The following DMD variants were observed in gnomAD, a reference collection of about 807,000 sequenced individuals.
DMD encodes dystrophin.
Under a neutral mutation model 330.1 loss-of-function variants are expected in DMD, and 63 were observed. The ratio of observed to expected loss-of-function variants is 0.19; its 90% CI spans 0.16 to 0.24. The LOEUF (loss-of-function observed/expected upper bound fraction) is 0.24. DMD is among the 10% of genes least tolerant of loss of function. The pLI is 1.00. For synonymous variants in DMD, 1,223 were observed against 959.8 expected, an observed-to-expected ratio of 1.27 and a Z score of -5.07; for missense variants, 3,344 against 2,684.1, an observed-to-expected ratio of 1.25 and a Z score of -5.43.
At chrX:31,569,125 T>G (rs1017401587) in intron 55 of DMD, among the ~76,000 whole-genome samples, 1 of 110,983 alleles carries the variant, frequency 9.0e-6, no homozygotes, top group East Asian at 2.8e-4. Context: ...TTCAAACTTA[T>G]GGTAAATAGG....
chrX:31,133,102 AAGAT>A (rs2034729110), intron 77 of DMD, among the ~76,000 whole-genome samples: 1 of 111,928 alleles, frequency 8.9e-6, no homozygotes, highest in Non-Finnish European at 1.9e-5. Context: ...ACTGAACAAA[AAGAT>A]AGGAAAAACA....
intron 1 of DMD, among the ~76,000 whole-genome samples, chrX:33,122,397 G>C (rs1249177114): frequency 1.8e-5 from 2 of 112,241 alleles, no homozygotes. Context: ...ACCTAATGCA[G>C]CTTAGCCTTG....
intron 30 of DMD, among the ~76,000 whole-genome samples, chrX:32,396,000 C>A (rs2098041394): frequency 9.0e-6 from 1 of 110,913 alleles, no homozygotes; most frequent in Non-Finnish European, 1.9e-5. Flanking sequence ...CATTACAAAG[C>A]AAAGCAAAGA....
At chrX:32,331,919 T>C (rs987644037) in intron 41 of DMD, among the ~76,000 whole-genome samples, 1 of 111,612 alleles carries the variant, frequency 9.0e-6, no homozygotes, top group Non-Finnish European at 1.9e-5. Flanking sequence ...ACTAGAGATA[T>C]TCGGAAAACA....
intron 2 of DMD, among the ~76,000 whole-genome samples, chrX:32,895,444 T>C (rs1166734076): frequency 8.9e-6 from 1 of 112,163 alleles, no homozygotes; most frequent in Non-Finnish European, 1.9e-5. Flanking sequence ...GTAGTTGTTC[T>C]AGAAAAATCT....
At chrX:31,489,745 C>T (rs768231587) in intron 57 of DMD, among the ~76,000 whole-genome samples, 1 of 110,824 alleles carries the variant, frequency 9.0e-6, no homozygotes, top group Non-Finnish European at 1.9e-5. Context: ...TTTTGGGGGA[C>T]AAAAGGAAGA....
intron 2 of DMD, among the ~76,000 whole-genome samples, chrX:32,900,557 C>T (rs1444856619): frequency 1.8e-5 from 2 of 111,017 alleles, no homozygotes; most frequent in East Asian, 5.7e-4. Flanking sequence ...GTTGGTTAGG[C>T]TGGACTCAAA....
chrX:31,991,281 T>A (rs1381505229), intron 44 of DMD, among the ~76,000 whole-genome samples: 1 of 110,914 alleles, frequency 9.0e-6, no homozygotes, highest in Non-Finnish European at 1.9e-5. Flanking sequence ...TATAAATGGA[T>A]TGGAATGGAT....
At chrX:33,129,524 CAAAA>C (rs59729782) in intron 1 of DMD, among the ~76,000 whole-genome samples, 2 of 101,516 alleles carry the variant, frequency 2.0e-5, no homozygotes, top group Non-Finnish European at 3.9e-5. Context: ...AGGTTTCAAA[CAAAA>C]AAAAAAACCC....
At chrX:32,899,752 T>C (rs1012045997) in intron 2 of DMD, among the ~76,000 whole-genome samples, 1 of 111,221 alleles carries the variant, frequency 9.0e-6, no homozygotes, top group Non-Finnish European at 1.9e-5. Context: ...CAGAATGTTA[T>C]GGATTCTTAT....
chrX:31,768,481 CT>C (rs1172907489), intron 51 of DMD, among the ~76,000 whole-genome samples: 1 of 109,074 alleles, frequency 9.2e-6, no homozygotes, highest in Non-Finnish European at 1.9e-5. Flanking sequence ...TCTCTTCCTT[CT>C]TTTTTTCCCT....
chrX:32,165,641 T>G (rs192388484), intron 44 of DMD, among the ~76,000 whole-genome samples: 246 of 112,111 alleles, frequency 2.2e-3, no homozygotes, highest in Non-Finnish European at 4.2e-3. Context: ...GGAGTACTGT[T>G]GTCAAGGCAT....
intron 44 of DMD, among the ~76,000 whole-genome samples, chrX:32,014,302 C>T (rs780127537): frequency 1.0e-5 from 1 of 97,530 alleles, no homozygotes; most frequent in South Asian, 4.7e-4. Context: ...GCCTTTTTCC[C>T]TTAATAATAC....
intron 57 of DMD, among the ~76,000 whole-genome samples, chrX:31,494,586 A>G (rs1329450470): frequency 8.9e-6 from 1 of 111,790 alleles, no homozygotes; most frequent in Non-Finnish European, 1.9e-5. Context: ...TCATAACTCT[A>G]GCATCACCAT....
At position 32,068,170 on chromosome X, in the gene DMD, C is replaced by A. The variant is rs750368928; in HGVS notation, c.6439-99656G>T. On this transcript the variant is annotated intron_variant, in intron 44 of 78. Transcript: ENST00000357033. ...TATCTTCTTTTGAGAAATGTCTGTT[C>A]ATGTCTTTTGCCCATTTTTTAAATG... 1.8e-4 allele frequency among the ~76,000 whole-genome samples: 20 copies of A among 111,043 alleles called. No individual in the cohort carries two copies. In the East Asian group the frequency reaches 3.1e-3, roughly 17 times the overall value.
At chrX:31,204,377 C>T (rs2043841634) in intron 66 of DMD, among the ~76,000 whole-genome samples, 1 of 112,653 alleles carries the variant, frequency 8.9e-6, no homozygotes, top group Non-Finnish European at 1.9e-5. Context: ...CACGTACCCT[C>T]GACACTTAAA....
chrX:32,773,620 G>C (rs1187365758), intron 7 of DMD, among the ~76,000 whole-genome samples: 1 of 107,245 alleles, frequency 9.3e-6, no homozygotes, highest in South Asian at 4.2e-4. Flanking sequence ...CTATCTCCAT[G>C]AGTTCAATTT....
At chrX:33,018,684 T>C (rs73621863) in intron 2 of DMD, among the ~76,000 whole-genome samples, 1,813 of 111,918 alleles carry the variant, frequency 0.016, 34 homozygotes, top group East Asian at 0.1. Context: ...TTCTGATTTG[T>C]CTGTATGTTT....
chrX:32,765,014 G>A (rs2072799107), intron 7 of DMD, among the ~76,000 whole-genome samples: 2 of 104,686 alleles, frequency 1.9e-5, no homozygotes, highest in South Asian at 8.7e-4. Flanking sequence ...GGTGTGAAGT[G>A]CTATCTCATT....
Sources: gnomAD v4.1 joint callset for allele counts (sites outside exome capture counted in the v4.1 genomes callset) on GRCh38, gnomAD v4.1.1 for gene constraint, MANE v1.5 for transcripts, NCBI Gene and HGNC (gene_info 2026-07-23, HGNC 2026-07-21) for gene names.